ZNF157: variants seen among roughly 807,000 people sequenced by gnomAD.
ZNF157 encodes the protein zinc finger protein 157.
In ZNF157, 8 loss-of-function variants were observed where a neutral mutation model predicts 9.4. The observed-to-expected ratio is 0.85, with a 90% CI of 0.50 to 1.53. The LOEUF is 1.53. ZNF157 is among the 40% of genes most tolerant of loss of function. The probability of loss-of-function intolerance (pLI) is 0.00; values close to 1 mark genes in which losing one functional copy is unlikely to be tolerated. For missense variants in ZNF157, 316 were observed against 385.2 expected (o/e 0.82, Z 1.50); for synonymous variants, 120 against 130.8 (o/e 0.92, Z 0.56).
intron 1 of ZNF157, among the ~76,000 whole-genome samples, chrX:47,394,248 CA>C (rs1266728238): frequency 9.0e-6 from 1 of 111,363 alleles, no homozygotes; most frequent in Non-Finnish European, 1.9e-5. Context: ...AGGCGTGAGC[CA>C]CCGCGCCTGG....
In ZNF157 at chrX:47,394,693, C is replaced by T. The variant is rs945071557; in HGVS notation, c.73-15583C>T. Among the ~76,000 whole-genome samples, 3 of 111,831 alleles carry T rather than the reference C, an allele frequency of 2.7e-5. No individual in the cohort carries two copies. The East Asian group carries it at 8.4e-4, about 31-fold the overall frequency. On this transcript the variant is annotated intron_variant, in intron 1 of 3. Coordinates refer to ENST00000377073, the MANE Select transcript of ZNF157 (RefSeq NM_003446.4). ...CCTTCTGAGTCAAAACTAGAAGCAC[C>T]TTTAACATTCATATTTCCAACATTT... is the stretch of plus-strand genomic sequence containing the variant.
chrX:47,406,534 T>C (rs6609494), intron 1 of ZNF157, among the ~76,000 whole-genome samples: 29,308 of 109,814 alleles, frequency 0.27, 3,112 homozygotes, highest in South Asian at 0.4. Context: ...CCACTACACC[T>C]GGCTAATTTT....
At chrX:47,398,137 G>A (rs2055919421) in intron 1 of ZNF157, among the ~76,000 whole-genome samples, 1 of 110,164 alleles carries the variant, frequency 9.1e-6, no homozygotes, top group African/African-American at 3.3e-5. Context: ...GTAGCTGGGA[G>A]CCATTTGCAT....
At chrX:47,403,402 C>T (rs941455751) in intron 1 of ZNF157, among the ~76,000 whole-genome samples, 70 of 110,677 alleles carry the variant, frequency 6.3e-4, no homozygotes, top group African/African-American at 2.2e-3. Context: ...GGCAGGATCT[C>T]GGCTCACTGG....
chrX:47,374,153 T>C (rs747923985), intron 1 of ZNF157, among the ~76,000 whole-genome samples: 13 of 110,853 alleles, frequency 1.2e-4, no homozygotes, highest in Non-Finnish European at 1.9e-4. Context: ...TGATGCTATA[T>C]CCTGGCAGAT....
chrX:47,395,777 C>A (rs1418474845), intron 1 of ZNF157, among the ~76,000 whole-genome samples: 2 of 110,561 alleles, frequency 1.8e-5, no homozygotes, highest in Admixed American at 2.0e-4. Flanking sequence ...CTAGCCTGGG[C>A]AACATGGTGA....
At chrX:47,378,702 G>A (rs1018719383) in intron 1 of ZNF157, among the ~76,000 whole-genome samples, 8 of 111,451 alleles carry the variant, frequency 7.2e-5, no homozygotes, top group African/African-American at 2.6e-4. Context: ...GCTGGGCGTG[G>A]TGGCCTGCAC....
At chrX:47,404,543 A>G (rs1178959624) in intron 1 of ZNF157, among the ~76,000 whole-genome samples, 2 of 111,218 alleles carry the variant, frequency 1.8e-5, no homozygotes, top group Non-Finnish European at 3.8e-5. Context: ...TTAAAAATAC[A>G]ATAATCAAAA....
intron 1 of ZNF157, among the ~76,000 whole-genome samples, chrX:47,408,181 C>T (rs1441102851): frequency 9.1e-6 from 1 of 110,493 alleles, no homozygotes; most frequent in Non-Finnish European, 1.9e-5. Context: ...CGGCTCATTG[C>T]AACCTCCGCC....
chrX:47,380,624 C>G (rs2055858785), intron 1 of ZNF157, among the ~76,000 whole-genome samples: 1 of 111,274 alleles, frequency 9.0e-6, no homozygotes, highest in Admixed American at 9.7e-5. Context: ...GCCCACTGGC[C>G]CAACTCCTGA....
In ZNF157 at chrX:47,412,527, C is replaced by A; in HGVS notation, c.454C>A (p.Arg152Ser). 6 of 1,211,616 alleles carry A rather than the reference C, an allele frequency of 5.0e-6. No homozygotes were observed. Among genetic ancestry groups the A allele is most frequent in the Non-Finnish European group, 6.7e-6 (6 of 895,503 alleles). ...CCATGAGAAAACAGGCTTTGTTAGA[C>A]GTAAAAGAACACCCAGAGGAGATAA... is the stretch of plus-strand genomic sequence containing the variant. ...AFHEKTGFVR[R>S]KRTPRGDKNF... The change falls in exon 4 of 4, where the codon CGT becomes AGT. Residue 152 changes from arginine to serine, a missense_variant. Physicochemically the swap from Arg to Ser is moderately radical, Grantham distance 110. This residue lies in a region of ZNF157 where 146 missense variants were observed against 183.8 expected (regional missense o/e 0.79). Coordinates refer to ENST00000377073, the MANE Select transcript of ZNF157 (RefSeq NM_003446.4).
intron 1 of ZNF157, among the ~76,000 whole-genome samples, chrX:47,376,872 A>C (rs1248218940): frequency 8.9e-6 from 1 of 111,750 alleles, no homozygotes; most frequent in Admixed American, 9.6e-5. Flanking sequence ...GTTTAAAACA[A>C]AGATGTTAAC....
chrX:47,398,539 C>T (rs1451783968), intron 1 of ZNF157, among the ~76,000 whole-genome samples: 1 of 109,400 alleles, frequency 9.1e-6, no homozygotes, highest in Non-Finnish European at 1.9e-5. Context: ...CTTGCTTTGT[C>T]TCTCAGGCTG....
At chrX:47,399,460 G>C (rs2055924108) in intron 1 of ZNF157, among the ~76,000 whole-genome samples, 1 of 111,921 alleles carries the variant, frequency 8.9e-6, no homozygotes, top group Non-Finnish European at 1.9e-5. Flanking sequence ...TTGCAACAAG[G>C]AGTAAGAAAG....
intron 1 of ZNF157, among the ~76,000 whole-genome samples, chrX:47,381,954 A>T (rs2055864681): frequency 8.9e-6 from 1 of 112,016 alleles, no homozygotes; most frequent in African/African-American, 3.2e-5. Flanking sequence ...TACTGAGAAC[A>T]GGTGCCCAAG....
At chrX:47,386,523 G>A (rs757751311) in intron 1 of ZNF157, among the ~76,000 whole-genome samples, 2 of 110,882 alleles carry the variant, frequency 1.8e-5, no homozygotes, top group Non-Finnish European at 3.8e-5. Flanking sequence ...GCAGTGGTGC[G>A]ATCTCGGCTT....
chrX:47,409,680 G>T (rs1266598442), intron 1 of ZNF157, among the ~76,000 whole-genome samples: 2 of 103,222 alleles, frequency 1.9e-5, no homozygotes, highest in African/African-American at 7.2e-5. Context: ...GTCTTGCTCT[G>T]TTGCCCGAGC....
At position 47,406,990 on chromosome X, in the gene ZNF157, A is replaced by G. The variant is rs1383276333; in HGVS notation, c.73-3286A>G. 2.7e-5 allele frequency among the ~76,000 whole-genome samples: 3 copies of G among 112,087 alleles called. No homozygotes were observed. In the East Asian group the frequency reaches 8.4e-4, roughly 31 times the overall value. On this transcript the variant is annotated intron_variant, in intron 1 of 3. Transcript: ENST00000377073. ...ATGATGTTAGCTGTAGGTTTTTGGT[A>G]GATGATCTTTATCAGGTTAAAGAAG...
At chrX:47,405,495 A>T (rs1311657907) in intron 1 of ZNF157, among the ~76,000 whole-genome samples, 1 of 111,134 alleles carries the variant, frequency 9.0e-6, no homozygotes, top group African/African-American at 3.3e-5. Flanking sequence ...TGAGATTTGC[A>T]TGGGGTCACA....
Sources: allele counts gnomAD v4.1 joint callset (sites outside exome capture counted in the v4.1 genomes callset), GRCh38; gene constraint gnomAD v4.1.1; regional missense constraint gnomAD v4.1.1; transcripts MANE v1.5; gene names NCBI Gene and HGNC (gene_info 2026-07-23, HGNC 2026-07-21).